Variants in ABR observed in about 807,000 individuals in gnomAD.
ABR encodes the protein ABR activator of RhoGEF and GTPase.
In ABR, 35 loss-of-function variants were observed where a neutral mutation model predicts 107.2. The observed-to-expected ratio is 0.33, with a 90% CI of 0.25 to 0.43. ABR has a LOEUF of 0.43. ABR is among the 20% of genes least tolerant of loss of function. The pLI is 1.00. For missense variants in ABR, 815 were observed against 1,115.2 expected (o/e 0.73, Z 3.83); for synonymous variants, 498 against 462.0 (o/e 1.08, Z -1.00).
In ABR at chr17:1,050,854, G is replaced by A. The variant is rs1312591184; in HGVS notation, c.1562-220C>T. 6.6e-6 allele frequency among the ~76,000 whole-genome samples: 1 copy of A among 151,428 alleles called. No individual in the cohort carries two copies. Among genetic ancestry groups the A allele is most frequent in the Non-Finnish European group, 1.5e-5 (1 of 67,854 alleles). On this transcript the variant is annotated intron_variant, in intron 14 of 22. Transcript: ENST00000302538. This position sits in a 1 kb window ranked among gnomAD's most constrained non-coding sequence, Gnocchi z 4.6. ...CCCACCTCGGCTCACCCCACACTCT[G>A]CCCTTCCTACCTCAGCCCTCCCCAC...
chr17:1,171,686 C>G (rs1265243197), intron 1 of ABR, among the ~76,000 whole-genome samples: 1 of 152,194 alleles, frequency 6.6e-6, no homozygotes, highest in Non-Finnish European at 1.5e-5. Context: ...AATCCCAGCA[C>G]TTTGGGAGGC....
At chr17:1,142,053 C>T (rs942948053) in intron 1 of ABR, among the ~76,000 whole-genome samples, 3 of 151,964 alleles carry the variant, frequency 2.0e-5, no homozygotes, top group African/African-American at 4.8e-5. Context: ...CCACTGCGCC[C>T]GGCCAGTTCA....
In ABR at chr17:1,210,344, C is replaced by T. The variant is rs1190032306; in HGVS notation, c.838+18449G>A. Among the ~76,000 whole-genome samples the T allele has an allele frequency of 2.0e-5, 3 of 152,260 alleles. No homozygotes were observed. On this transcript the variant is annotated intron_variant, in intron 1 of 22. Coordinates refer to the ABR transcript ENST00000574139. This position sits in a 1 kb window ranked among gnomAD's most constrained non-coding sequence, Gnocchi z 5.6. ...TGGCCAACATGGTGAAACCCCATCT[C>T]TGCTACCCAGCTTCTCCGCACTATC...
rs768504156 is a variant in ABR, at chr17:1,198,462, G to T, written c.838+30331C>A. 1.3e-4 allele frequency among the ~76,000 whole-genome samples: 19 copies of T among 151,558 alleles called. 1 individual carries two copies. Among genetic ancestry groups the T allele is most frequent in the Non-Finnish European group, 2.4e-4 (16 of 67,994 alleles). ...CTGCAATCAAAGCTGCCTGGTTCCGGCCAGGCACAGTGGCTCAAACCTATA... is the reference window on the plus strand; with the variant it reads ...CTGCAATCAAAGCTGCCTGGTTCCGTCCAGGCACAGTGGCTCAAACCTATA... On this transcript the variant is annotated intron_variant, in intron 1 of 22. Transcript: ENST00000574139.
intron 16 of ABR, among the ~76,000 whole-genome samples, chr17:1,014,713 G>C (rs1196518266): frequency 6.6e-6 from 1 of 151,884 alleles, no homozygotes; most frequent in Admixed American, 6.6e-5. Flanking sequence ...GGGCGCGGTG[G>C]TGGGCGCCTG....
intron 3 of ABR, 30 bp downstream of exon 3, chr17:1,100,607 G>A (rs781417339): frequency 8.1e-6 from 13 of 1,595,892 alleles, no homozygotes; most frequent in Admixed American, 3.3e-5. Context: ...CGGGGGGACC[G>A]GAAGGCCCCA....
At chr17:1,100,792 G>A (rs1381324248) in intron 2 of ABR, 57 bp from the exon 3 acceptor site, 25 of 1,537,944 alleles carry the variant, frequency 1.6e-5, no homozygotes, top group South Asian at 1.3e-4. Context: ...AAAACCCTGC[G>A]TGGACGGTCT....
chr17:1,229,328 G>A (rs1242437363), exon 1 of ABR, among the ~76,000 whole-genome samples: 1 of 148,112 alleles, frequency 6.8e-6, no homozygotes, highest in South Asian at 2.1e-4. Context: ...CGGCGGGCAG[G>A]TCCCCGCGGG....
At chr17:1,199,612 C>T (rs2042635925) in intron 1 of ABR, among the ~76,000 whole-genome samples, 2 of 151,720 alleles carry the variant, frequency 1.3e-5, no homozygotes, top group Non-Finnish European at 2.9e-5. Context: ...CCACGCCCGG[C>T]TAATTTTTGC....
In ABR at chr17:1,010,674, G is replaced by A. The variant is rs536802087; in HGVS notation, c.2236+55C>T. On this transcript the variant is annotated intron_variant, in intron 20 of 22. Transcript: ENST00000302538. The surrounding 1 kb of genome is among the most constrained non-coding windows in gnomAD (Gnocchi z 4.1). ...CTCCTGCTGGTTACTTCTCCGGGCA[G>A]GGAGTCCTGGCTCAGTCTGGCCCAG... The A allele has an allele frequency of 1.6e-5, 26 of 1,591,480 alleles. No homozygotes were observed. The South Asian group carries it at 2.7e-4, about 16-fold the overall frequency.
In ABR at chr17:1,148,849, A is replaced by G. The variant is rs1315229714; in HGVS notation, c.62-23482T>C. Among the ~76,000 whole-genome samples the G allele has an allele frequency of 6.6e-6, 1 of 152,096 alleles. No individual in the cohort carries two copies. The highest frequency in any genetic ancestry group is 1.5e-5 in the Non-Finnish European group (1 of 68,008). On this transcript the variant is annotated intron_variant, in intron 1 of 22. Transcript: ENST00000302538. The surrounding 1 kb of genome is among the most constrained non-coding windows in gnomAD (Gnocchi z 4.9). Reference sequence around the variant, plus strand: ...CTCGGGCCACTGATGCGTACACTGGATGGAAAATTTTAGGCATGTGTATTT... The same window carrying G: ...CTCGGGCCACTGATGCGTACACTGGGTGGAAAATTTTAGGCATGTGTATTT...
chr17:1,141,095 CA>C (rs1176239495), intron 1 of ABR, among the ~76,000 whole-genome samples: 1 of 152,144 alleles, frequency 6.6e-6, no homozygotes. Context: ...TGGGAAAGCT[CA>C]GCTGAAGCCG....
At chr17:1,065,478 G>T (rs1314051036) in intron 10 of ABR, among the ~76,000 whole-genome samples, 1 of 97,376 alleles carries the variant, frequency 1.0e-5, no homozygotes, top group Non-Finnish European at 2.3e-5. Context: ...TGTTCCTCTA[G>T]ACGCTGTTGT....
intron 1 of ABR, among the ~76,000 whole-genome samples, chr17:1,216,079 T>C (rs9328724): frequency 0.32 from 48,519 of 150,152 alleles, 8,964 homozygotes; most frequent in East Asian, 0.75. Context: ...CCAGAGACCT[T>C]TGTTCACTTG....
At chr17:1,109,197 G>A in intron 2 of ABR, 2 of 1,259,330 alleles carry the variant, frequency 1.6e-6, no homozygotes, top group South Asian at 1.7e-5. Context: ...TGGGGCTCCC[G>A]ACCCGGGACT....
At chr17:1,203,491 C>T (rs1598120394) in intron 1 of ABR, among the ~76,000 whole-genome samples, 1 of 20,142 alleles carries the variant, frequency 5.0e-5, no homozygotes, top group Non-Finnish European at 1.3e-4. Context: ...GCGGGGCCCG[C>T]GGGGACGGAG....
rs1436605805 is a variant in ABR, at chr17:1,179,490, TC to T, written c.61+176del. On this transcript the variant is annotated intron_variant, in intron 1 of 22. Transcript: ENST00000302538. The surrounding 1 kb of genome is among the most constrained non-coding windows in gnomAD (Gnocchi z 4.9). ...CCTGGGTCCCGACCCCGATCCCGATTCCCAACCCGACCCCGATCCGGACCCC... is the reference window on the plus strand; with the variant it reads ...CCTGGGTCCCGACCCCGATCCCGATTCCAACCCGACCCCGATCCGGACCCC... Among the ~76,000 whole-genome samples the T allele has an allele frequency of 2.1e-5, 3 of 144,314 alleles. No individual in the cohort carries two copies. Among genetic ancestry groups the T allele is most frequent in the African/African-American group, 7.8e-5 (3 of 38,414 alleles). The allele number at this position is 144,314 out of a possible 152,430, so 94.7% of individuals were successfully genotyped here.
intron 1 of ABR, among the ~76,000 whole-genome samples, chr17:1,137,712 A>G (rs2040135424): frequency 6.6e-6 from 1 of 152,192 alleles, no homozygotes; most frequent in Non-Finnish European, 1.5e-5. Flanking sequence ...TGGTGAAAAA[A>G]AACGCAGCAT....
rs962657327 is a variant in ABR at position 1,005,147 on chromosome 17, G to A, written c.*933C>T. ...GTGGTGTTTCCTCAGCAGCCTGACCGCCTCCTCCCCCATTCTCTCCTGACC... is the reference window on the plus strand; with the variant it reads ...GTGGTGTTTCCTCAGCAGCCTGACCACCTCCTCCCCCATTCTCTCCTGACC... On this transcript the variant is annotated 3_prime_UTR_variant, in exon 23 of 23. Coordinates refer to ENST00000302538, the MANE Select transcript of ABR (RefSeq NM_021962.5). The A allele has an allele frequency of 1.8e-5, 7 of 398,676 alleles. No homozygotes were observed. The highest frequency in any genetic ancestry group is 1.0e-4 in the African/African-American group (5 of 48,628). 24.7% of individuals were successfully genotyped at this position (398,676 alleles called of 1,614,324 possible). A position where few individuals can be genotyped will look rare whatever the true frequency, so the allele number is the denominator to read the frequency against.
Sources: gnomAD v4.1 joint callset for allele counts (sites outside exome capture counted in the v4.1 genomes callset) on GRCh38, gnomAD v4.1.1 for gene constraint, Gnocchi (gnomAD v3.1) non-coding constraint, MANE v1.5 for transcripts, NCBI Gene and HGNC (gene_info 2026-07-23, HGNC 2026-07-21) for gene names.